The following TMPRSS15 variants were observed in gnomAD, a reference collection of about 807,000 sequenced individuals.
The protein encoded by TMPRSS15 is transmembrane serine protease 15.
In TMPRSS15, 128 loss-of-function variants were observed where a neutral mutation model predicts 125.3. The ratio of observed to expected loss-of-function variants is 1.02; its 90% confidence interval spans 0.89 to 1.18. The LOEUF (loss-of-function observed/expected upper bound fraction) is 1.18, where lower values mean the gene tolerates loss of function less well. TMPRSS15 is among the 50% of genes most tolerant of loss of function. The pLI is 0.00. For missense variants in TMPRSS15, 1,283 were observed against 1,212.7 expected (o/e 1.06, Z -0.86); for synonymous variants, 446 against 423.2 (o/e 1.05, Z -0.66).
intron 7 of TMPRSS15, 134 bp downstream of exon 7, chr21:18,365,006 T>C (rs2075713103): frequency 2.7e-6 from 2 of 729,794 alleles, no homozygotes; most frequent in Non-Finnish European, 4.7e-6. Context: ...TTTGTACAGT[T>C]TTTCAGTTGG....
chr21:18,411,511 T>A (rs2076165954), intron 1 of TMPRSS15, among the ~76,000 whole-genome samples: 1 of 152,188 alleles, frequency 6.6e-6, no homozygotes, highest in Admixed American at 6.5e-5. Flanking sequence ...TGAGATTTGT[T>A]TCAGATATTC....
chr21:18,306,867 G>T (rs545854979), intron 18 of TMPRSS15, among the ~76,000 whole-genome samples: 1 of 151,612 alleles, frequency 6.6e-6, no homozygotes, highest in African/African-American at 2.4e-5. Flanking sequence ...GTTATTCAAG[G>T]TACTTTTTAT....
intron 1 of TMPRSS15, among the ~76,000 whole-genome samples, chr21:18,456,198 A>C (rs1032227454): frequency 2.6e-5 from 4 of 152,140 alleles, no homozygotes; most frequent in African/African-American, 9.6e-5. Context: ...TTAAGTAGTG[A>C]GTAAAATATT....
At chr21:18,484,808 T>G (rs924268249) in intron 1 of TMPRSS15, among the ~76,000 whole-genome samples, 1 of 151,882 alleles carries the variant, frequency 6.6e-6, no homozygotes, top group Non-Finnish European at 1.5e-5. Flanking sequence ...CATTGGTAAA[T>G]TGTCTTAATT....
intron 3 of TMPRSS15, among the ~76,000 whole-genome samples, chr21:18,396,023 GACTT>G (rs939846193): frequency 5.9e-5 from 9 of 152,070 alleles, no homozygotes; most frequent in East Asian, 3.9e-4. Context: ...TAAAAACTAA[GACTT>G]ACTTACTCTC....
At chr21:18,430,984 C>T (rs1171974380) in intron 1 of TMPRSS15, among the ~76,000 whole-genome samples, 4 of 152,144 alleles carry the variant, frequency 2.6e-5, no homozygotes, top group South Asian at 2.1e-4. Flanking sequence ...GTTTGCTTAG[C>T]ATGTACAGTC....
chr21:18,313,131 A>G, intron 17 of TMPRSS15, 54 bp from the exon 18 acceptor site: 1 of 1,254,630 alleles, frequency 8.0e-7, no homozygotes, highest in South Asian at 1.2e-5. Flanking sequence ...GGTGCGGAGT[A>G]TGGGAAGACA....
intron 8 of TMPRSS15, among the ~76,000 whole-genome samples, chr21:18,355,032 C>A (rs1399419205): frequency 6.6e-6 from 1 of 151,780 alleles, no homozygotes; most frequent in African/African-American, 2.4e-5. Flanking sequence ...AGCATTGATT[C>A]ACATCTTAAT....
At position 18,463,381 on chromosome 21, in the gene TMPRSS15, T is replaced by C. The variant is rs2122953849; in HGVS notation, c.10+22418A>G. On this transcript the variant is annotated intron_variant, in intron 1 of 7. Transcript: ENST00000422787. ...AGGGCATTACCTCATGGTAAAGGGATCAATGCATCAAGTAGAGCTAACTAT... is the reference window on the plus strand; with the variant it reads ...AGGGCATTACCTCATGGTAAAGGGACCAATGCATCAAGTAGAGCTAACTAT... Among the ~76,000 whole-genome samples, 11 of 149,474 alleles carry C rather than the reference T, an allele frequency of 7.4e-5. 1 individual carries two copies. Among genetic ancestry groups the C allele is most frequent in the African/African-American group, 2.7e-4 (11 of 40,550 alleles).
rs538601343 is a variant in TMPRSS15, at chr21:18,470,592, T to A, written c.10+15207A>T. 3.3e-5 allele frequency among the ~76,000 whole-genome samples: 5 copies of A among 152,250 alleles called. No individual in the cohort carries two copies. In the East Asian group the frequency reaches 9.6e-4, roughly 29 times the overall value. On this transcript the variant is annotated intron_variant, in intron 1 of 7. Transcript: ENST00000422787. ...AAATTTATTTTTCAAAATTATGTTG[T>A]CAAGGTCTGCCCAGAGATTTCATGT...
chr21:18,383,866 T>G lies in TMPRSS15; in HGVS notation c.345-88A>C, dbSNP rs1601420181. 13 of 1,442,450 alleles carry G rather than the reference T, an allele frequency of 9.0e-6. No individual in the cohort carries two copies. The Admixed American group carries it at 2.5e-4, about 28-fold the overall frequency. The allele number at this position is 1,442,450 out of a possible 1,614,324, so 89.4% of individuals were successfully genotyped here. A position where few individuals can be genotyped will look rare whatever the true frequency, so the allele number is the denominator to read the frequency against. ...TTCATGTTAAATGTCTTTGAAATTC[T>G]CTATAGTTATCATCTTGCTAATTCT... On this transcript the variant is annotated intron_variant, in intron 3 of 24. Coordinates refer to ENST00000284885, the MANE Select transcript of TMPRSS15 (RefSeq NM_002772.3).
At chr21:18,346,750 T>G (rs1433911274) in intron 10 of TMPRSS15, among the ~76,000 whole-genome samples, 1 of 152,210 alleles carries the variant, frequency 6.6e-6, no homozygotes, top group Non-Finnish European at 1.5e-5. Context: ...TCCAAGTGCA[T>G]CTCACTTCTA....
At chr21:18,357,410 C>T (rs902999399) in intron 8 of TMPRSS15, among the ~76,000 whole-genome samples, 1 of 151,716 alleles carries the variant, frequency 6.6e-6, no homozygotes, top group South Asian at 2.1e-4. Context: ...GAAAAAAATG[C>T]CTTTAGGATT....
chr21:18,450,085 T>TG (rs1473803633), intron 1 of TMPRSS15, among the ~76,000 whole-genome samples: 1 of 152,172 alleles, frequency 6.6e-6, no homozygotes, highest in African/African-American at 2.4e-5. Context: ...ATTACTTGAA[T>TG]GCAAACTCCA....
At chr21:18,465,570 A>G (rs2122955605) in intron 1 of TMPRSS15, among the ~76,000 whole-genome samples, 1 of 152,350 alleles carries the variant, frequency 6.6e-6, no homozygotes. Flanking sequence ...AAGTCTCAGG[A>G]TACAAAATCT....
intron 1 of TMPRSS15, chr21:18,460,837 T>A (rs1199626816): frequency 6.6e-6 from 1 of 152,186 alleles, no homozygotes; most frequent in Non-Finnish European, 1.5e-5. Context: ...TCCATGATAA[T>A]CTTTGACCAC....
At chr21:18,471,892 C>T (rs763381193) in intron 1 of TMPRSS15, among the ~76,000 whole-genome samples, 30 of 152,002 alleles carry the variant, frequency 2.0e-4, no homozygotes, top group Non-Finnish European at 4.0e-4. Context: ...AGGGAATCAG[C>T]GAATCAGCAC....
At chr21:18,435,731 G>T (rs1463951904) in intron 1 of TMPRSS15, among the ~76,000 whole-genome samples, 1 of 152,084 alleles carries the variant, frequency 6.6e-6, no homozygotes, top group Non-Finnish European at 1.5e-5. Flanking sequence ...TGTACCTCTG[G>T]TAGAATTCGG....
chr21:18,294,276 A>G lies in TMPRSS15; in HGVS notation c.2480T>C (p.Val827Ala). The G allele has an allele frequency of 6.2e-7, 1 of 1,614,168 alleles. No homozygotes were observed. The highest frequency in any genetic ancestry group is 8.5e-7 in the Non-Finnish European group (1 of 1,180,040). ...SDWLVSAAHC[V>A]YGRNLEPSKW... Reference sequence around the variant, plus strand: ...CACTTGACATCACACTCACCCATACACGCAGTGTGCGGCGGACACCAGCCA... The same window carrying G: ...CACTTGACATCACACTCACCCATACGCGCAGTGTGCGGCGGACACCAGCCA... The change falls in exon 21 of 25, where the codon GTG (valine) becomes GCG (alanine). Residue 827 changes from valine to alanine, a missense_variant. Physicochemically the swap from Val to Ala is moderately conservative, Grantham distance 64 (BLOSUM62 0). Transcript: ENST00000284885.
Sources: gnomAD v4.1 joint callset for allele counts (sites outside exome capture counted in the v4.1 genomes callset) on GRCh38, gnomAD v4.1.1 for gene constraint, MANE v1.5 for transcripts, NCBI Gene and HGNC (gene_info 2026-07-23, HGNC 2026-07-21) for gene names.